The following FBXL7 variants were observed in gnomAD, a reference collection of about 807,000 sequenced individuals.
The protein encoded by FBXL7 is F-box/LRR-repeat protein 7.
Under a neutral mutation model 38.3 loss-of-function variants are expected in FBXL7, and 12 were observed. That is an observed-to-expected ratio of 0.31 (90% confidence interval 0.20 to 0.51). The LOEUF (loss-of-function observed/expected upper bound fraction) is 0.51. FBXL7 is among the 20% of genes least tolerant of loss of function. The pLI, the probability that FBXL7 is intolerant of heterozygous loss-of-function variation, is 0.98. For missense variants in FBXL7, 567 were observed against 676.4 expected (o/e 0.84, Z 1.79); for synonymous variants, 297 against 300.9 (o/e 0.99, Z 0.13).
At chr5:15,812,860 G>C (rs1464160882) in intron 2 of FBXL7, among the ~76,000 whole-genome samples, 2 of 152,098 alleles carry the variant, frequency 1.3e-5, no homozygotes, top group African/African-American at 4.8e-5. Flanking sequence ...CTTGTAAGTT[G>C]TATTCCTAAG....
At chr5:15,651,328 C>T (rs1741703360) in intron 2 of FBXL7, among the ~76,000 whole-genome samples, 1 of 152,064 alleles carries the variant, frequency 6.6e-6, no homozygotes, top group African/African-American at 2.4e-5. Context: ...CATCTCCTGA[C>T]CTCATGATCT....
intron 2 of FBXL7, among the ~76,000 whole-genome samples, chr5:15,634,313 CTTTTTTTTT>C (rs57823645): frequency 1.8e-5 from 2 of 112,274 alleles, no homozygotes; most frequent in Non-Finnish European, 3.6e-5. Flanking sequence ...ATGTTCGTTT[CTTTTTTTTT>C]TTTTTTTTTT....
Position 15,500,727 on chromosome 5 carries a change from C to T in FBXL7, c.37+14C>T. The stretch of plus-strand genomic sequence containing the variant: ...ACGGCAGTGAGGGTGAGTGGGCCGC[C>T]CGTCCTCAGACTCCCGGATCGCGTC... On this transcript the variant is annotated intron_variant, in intron 1 of 3. Coordinates refer to ENST00000504595, the MANE Select transcript of FBXL7 (RefSeq NM_012304.5). 6.2e-7 allele frequency: 1 copy of T among 1,604,576 alleles called. No individual in the cohort carries two copies. The highest frequency in any genetic ancestry group is 8.5e-7 in the Non-Finnish European group (1 of 1,175,132).
At chr5:15,625,474 G>A (rs1740781208) in intron 2 of FBXL7, among the ~76,000 whole-genome samples, 1 of 152,098 alleles carries the variant, frequency 6.6e-6, no homozygotes, top group Admixed American at 6.6e-5. Flanking sequence ...CCAATATGGT[G>A]AAACCCCGTC....
intron 2 of FBXL7, among the ~76,000 whole-genome samples, chr5:15,743,389 T>G (rs1165141460): frequency 6.6e-6 from 1 of 152,214 alleles, no homozygotes; most frequent in African/African-American, 2.4e-5. Context: ...CATGCAAGTC[T>G]GAAATCCAAG....
At chr5:15,668,368 TTG>T (rs148728974) in intron 2 of FBXL7, among the ~76,000 whole-genome samples, 1,753 of 145,624 alleles carry the variant, frequency 0.012, 19 homozygotes, top group East Asian at 0.025. Flanking sequence ...ATATTTGTGT[TTG>T]TGTGTGTGTG....
At chr5:15,934,356 A>G (rs1742121435) in intron 3 of FBXL7, among the ~76,000 whole-genome samples, 1 of 152,152 alleles carries the variant, frequency 6.6e-6, no homozygotes, top group South Asian at 2.1e-4. Flanking sequence ...CACTAACCTA[A>G]TATTTATAGA....
At chr5:15,872,514 G>T (rs770444322) in intron 2 of FBXL7, among the ~76,000 whole-genome samples, 9 of 152,094 alleles carry the variant, frequency 5.9e-5, no homozygotes, top group African/African-American at 1.9e-4. Flanking sequence ...TAGGCCCATC[G>T]CTGTGCTGTA....
Position 15,830,483 on chromosome 5 carries a change from AAAACACACACACACAC to A in FBXL7, c.128-97405_128-97390del, listed in dbSNP as rs1295860835. The stretch of plus-strand genomic sequence containing the variant: ...TGGGCGACAGAGTGAGACTCCATCT[AAAACACACACACACAC>A]ACACACACACACACACACACACACA... On this transcript the variant is annotated intron_variant, in intron 2 of 3. Coordinates refer to ENST00000504595, the MANE Select transcript of FBXL7 (RefSeq NM_012304.5). Among the ~76,000 whole-genome samples the A allele has an allele frequency of 5.3e-3, 180 of 34,220 alleles. 1 individual carries two copies. Among genetic ancestry groups the A allele is most frequent in the Non-Finnish European group, 0.013 (158 of 12,238 alleles). 22.4% of individuals were successfully genotyped at this position (34,220 alleles called of 152,430 possible). A position where few individuals can be genotyped will look rare whatever the true frequency, so the allele number is the denominator to read the frequency against.
At chr5:15,706,254 G>A (rs180811972) in intron 2 of FBXL7, among the ~76,000 whole-genome samples, 1 of 152,252 alleles carries the variant, frequency 6.6e-6, no homozygotes, top group East Asian at 1.9e-4. Context: ...TCATAATAGT[G>A]AGTTTTCAAA....
At chr5:15,845,690 G>C (rs775715399) in intron 2 of FBXL7, among the ~76,000 whole-genome samples, 1 of 152,106 alleles carries the variant, frequency 6.6e-6, no homozygotes, top group East Asian at 1.9e-4. Flanking sequence ...AAAATACAGA[G>C]GCTGGGTGTG....
In FBXL7 at chr5:15,669,294, G is replaced by A. The variant is rs74686352; in HGVS notation, c.127+53222G>A. ...TGTACATACTTAATGTATACACCTC[G>A]GTGAGTTTGAAGATAAGTTCAGGAA... On this transcript the variant is annotated intron_variant, in intron 2 of 3. Transcript: ENST00000504595. 2.2e-3 allele frequency among the ~76,000 whole-genome samples: 336 copies of A among 152,156 alleles called. 6 individuals carry two copies. The East Asian group carries it at 0.041, about 19-fold the overall frequency.
At chr5:15,677,025 A>T (rs1190965258) in intron 2 of FBXL7, among the ~76,000 whole-genome samples, 2 of 152,224 alleles carry the variant, frequency 1.3e-5, no homozygotes, top group Non-Finnish European at 2.9e-5. Flanking sequence ...TTGTGGTAAA[A>T]ATGGAAATAC....
intron 2 of FBXL7, among the ~76,000 whole-genome samples, chr5:15,828,355 T>A (rs945314453): frequency 1.8e-4 from 27 of 152,206 alleles, no homozygotes; most frequent in African/African-American, 6.5e-4. Context: ...TATAAATATA[T>A]CTCATGCATT....
chr5:15,572,373 C>G (rs932020698), intron 1 of FBXL7, among the ~76,000 whole-genome samples: 4 of 145,752 alleles, frequency 2.7e-5, no homozygotes, highest in Non-Finnish European at 6.0e-5. Flanking sequence ...CAGAAACATC[C>G]ATCTGGTTTC....
At chr5:15,668,299 C>A (rs367686684) in intron 2 of FBXL7, among the ~76,000 whole-genome samples, 3 of 152,030 alleles carry the variant, frequency 2.0e-5, no homozygotes, top group East Asian at 3.9e-4. Context: ...CTACGTTTTT[C>A]CTCAAGATCA....
chr5:15,914,171 G>T (rs538713240), intron 2 of FBXL7, among the ~76,000 whole-genome samples: 22 of 152,094 alleles, frequency 1.4e-4, no homozygotes, highest in Non-Finnish European at 2.8e-4. Flanking sequence ...CGGATCTCGA[G>T]GTCAGGTGAT....
intron 1 of FBXL7, among the ~76,000 whole-genome samples, chr5:15,584,175 G>A (rs1739235702): frequency 6.6e-6 from 1 of 152,162 alleles, no homozygotes; most frequent in South Asian, 2.1e-4. Flanking sequence ...ACAAAATAAT[G>A]TTTTCCTCCT....
rs1742277587 is a variant in FBXL7, at chr5:15,939,117, G to C, written c.*1931G>C. On this transcript the variant is annotated 3_prime_UTR_variant, in exon 4 of 4. Transcript: ENST00000504595. The stretch of plus-strand genomic sequence containing the variant: ...TGATGAGGTGGTGTCTGCCCAGGAG[G>C]TTTCTTTCAAACATCATGGCCTCCC... The C allele has an allele frequency of 2.5e-6, 1 of 398,760 alleles. No homozygotes were observed. Among genetic ancestry groups the C allele is most frequent in the Non-Finnish European group, 4.4e-6 (1 of 226,012 alleles). 24.7% of individuals were successfully genotyped at this position (398,760 alleles called of 1,614,324 possible). A position where few individuals can be genotyped will look rare whatever the true frequency, so the allele number is the denominator to read the frequency against.
Sources: gnomAD v4.1 joint callset for allele counts (sites outside exome capture counted in the v4.1 genomes callset) on GRCh38, gnomAD v4.1.1 for gene constraint, MANE v1.5 for transcripts, NCBI Gene and HGNC (gene_info 2026-07-23, HGNC 2026-07-21) for gene names.